TCF7L2: variants seen among roughly 807,000 people sequenced by gnomAD.
TCF7L2 encodes transcription factor 7-like 2.
In TCF7L2, 23 loss-of-function variants were observed where a neutral mutation model predicts 77.9. The ratio of observed to expected loss-of-function variants is 0.30; its 90% CI spans 0.21 to 0.42. TCF7L2 has a LOEUF of 0.42. TCF7L2 is among the 10% of genes least tolerant of loss of function. The pLI, the probability that TCF7L2 is intolerant of heterozygous loss-of-function variation, is 1.00. For missense variants in TCF7L2, 654 were observed against 793.1 expected (o/e 0.82, Z 2.11); for synonymous variants, 413 against 340.2 (o/e 1.21, Z -2.36).
chr10:113,015,446 C>CTTTTTTT (rs67005436), intron 4 of TCF7L2, among the ~76,000 whole-genome samples: 4 of 103,236 alleles, frequency 3.9e-5, no homozygotes, highest in East Asian at 4.5e-4. Flanking sequence ...GCCTGATGAG[C>CTTTTTTT]TTTTTTTTTT....
intron 5 of TCF7L2, among the ~76,000 whole-genome samples, chr10:113,073,150 G>GAGACAGAGAGAGAGAGAGAA (rs1564855702): frequency 2.0e-5 from 3 of 149,012 alleles, no homozygotes; most frequent in African/African-American, 7.5e-5. Context: ...GAGAGAGAGA[G>GAGACAGAGAGAGAGAGAGAA]ACAGAGAGAG....
Position 112,966,184 on chromosome 10 carries a change from T to TTATATATATATATA in TCF7L2, c.450+1574_450+1587dup, listed in dbSNP as rs141060651. Among the ~76,000 whole-genome samples, 236 of 114,190 alleles carry TTATATATATATATA rather than the reference T, an allele frequency of 2.1e-3. 8 individuals are homozygous for TTATATATATATATA. The highest frequency in any genetic ancestry group is 0.01 in the African/African-American group (210 of 20,982). 74.9% of individuals were successfully genotyped at this position (114,190 alleles called of 152,430 possible). On this transcript the variant is annotated intron_variant, in intron 4 of 13. Coordinates refer to ENST00000627217, the MANE Select transcript of TCF7L2 (RefSeq NM_001146274.2). Reference sequence around the variant, plus strand: ...GAGTGAGACTCTGTCTAAAATATATTTATATATATATATATATATATATAT... The same window carrying TTATATATATATATA: ...GAGTGAGACTCTGTCTAAAATATATTTATATATATATATATATATATATATATATATATATATAT...
At position 113,094,161 on chromosome 10, in the gene TCF7L2, A is replaced by G. The variant is rs946468658; in HGVS notation, c.553-47023A>G. Among the ~76,000 whole-genome samples, 98 of 152,230 alleles carry G rather than the reference A, an allele frequency of 6.4e-4. 8 individuals carry two copies. Among genetic ancestry groups the G allele is most frequent in the Non-Finnish European group, 1.5e-5 (1 of 68,044 alleles). On this transcript the variant is annotated intron_variant, in intron 5 of 13. Transcript: ENST00000627217. Reference sequence around the variant, plus strand: ...TACTTGCTTATTAACCTCTCAATCTAGAAATTTCAGGGAAGAAGAGACTTC... The same window carrying G: ...TACTTGCTTATTAACCTCTCAATCTGGAAATTTCAGGGAAGAAGAGACTTC...
chr10:113,025,943 A>G (rs1590661866), intron 4 of TCF7L2, among the ~76,000 whole-genome samples: 2 of 150,252 alleles, frequency 1.3e-5, no homozygotes, highest in East Asian at 2.0e-4. Flanking sequence ...CAGTGGTGCT[A>G]TCTCGGCTCA....
chr10:112,992,773 TTTTTTTTTGAGA>T (rs2042806335), intron 4 of TCF7L2, among the ~76,000 whole-genome samples: 6 of 151,934 alleles, frequency 3.9e-5, no homozygotes, highest in African/African-American at 1.4e-4. Flanking sequence ...TCTTTCTTTT[TTTTTTTTTGAGA>T]CGGAGTCTCA....
At chr10:113,128,095 G>C (rs1316553382) in intron 5 of TCF7L2, among the ~76,000 whole-genome samples, 2 of 151,818 alleles carry the variant, frequency 1.3e-5, no homozygotes, top group Admixed American at 6.6e-5. Context: ...GGGAGAGAAG[G>C]CAATTAGGGG....
At chr10:113,078,836 G>T (rs56016452) in intron 5 of TCF7L2, among the ~76,000 whole-genome samples, 26 of 143,424 alleles carry the variant, frequency 1.8e-4, no homozygotes, top group Non-Finnish European at 2.8e-4. Context: ...TTCTTTTTTT[G>T]TTTTTTTTTT....
chr10:113,111,190 G>A (rs1405957527), intron 5 of TCF7L2, among the ~76,000 whole-genome samples: 1 of 152,140 alleles, frequency 6.6e-6, no homozygotes, highest in African/African-American at 2.4e-5. Context: ...TCTGTTAGAG[G>A]TTAACTGACT....
At chr10:113,121,669 C>G (rs7903543) in intron 5 of TCF7L2, among the ~76,000 whole-genome samples, 1 of 151,858 alleles carries the variant, frequency 6.6e-6, no homozygotes, top group Non-Finnish European at 1.5e-5. Flanking sequence ...ATTGGATTTA[C>G]CCCCCTTCTC....
At chr10:113,008,451 A>G (rs1003392041) in intron 4 of TCF7L2, among the ~76,000 whole-genome samples, 1 of 152,178 alleles carries the variant, frequency 6.6e-6, no homozygotes, top group African/African-American at 2.4e-5. Flanking sequence ...TATCAGCACT[A>G]TGCTGCCAGA....
At chr10:113,028,911 G>T (rs921614285) in intron 4 of TCF7L2, among the ~76,000 whole-genome samples, 1 of 152,166 alleles carries the variant, frequency 6.6e-6, no homozygotes, top group African/African-American at 2.4e-5. Context: ...CCTCTCAAAG[G>T]TCATTTGTTG....
chr10:113,163,027 A>G (rs1198864316), intron 13 of TCF7L2, among the ~76,000 whole-genome samples: 2 of 150,430 alleles, frequency 1.3e-5, no homozygotes, highest in African/African-American at 4.9e-5. Flanking sequence ...AAAAAAAAGG[A>G]AAAAAAGAAA....
intron 5 of TCF7L2, among the ~76,000 whole-genome samples, chr10:113,128,225 C>T (rs953026656): frequency 1.3e-5 from 2 of 152,108 alleles, no homozygotes; most frequent in African/African-American, 4.8e-5. Flanking sequence ...TGCTGCCTGA[C>T]ACTTACACAG....
intron 5 of TCF7L2, among the ~76,000 whole-genome samples, chr10:113,116,213 T>G (rs1467043479): frequency 6.6e-6 from 1 of 152,138 alleles, no homozygotes; most frequent in African/African-American, 2.4e-5. Context: ...CCCTTCCCCT[T>G]TTGTAGGTTA....
At chr10:113,128,040 G>C (rs1265231481) in intron 5 of TCF7L2, among the ~76,000 whole-genome samples, 2 of 152,246 alleles carry the variant, frequency 1.3e-5, no homozygotes, top group South Asian at 2.1e-4. Context: ...AATTGCGTGT[G>C]TGACAAAAGC....
chr10:113,089,309 C>A, intron 5 of TCF7L2: 1 of 1,424,990 alleles, frequency 7.0e-7, no homozygotes, highest in Non-Finnish European at 9.4e-7. Flanking sequence ...TGGGTTAGGG[C>A]AGAAAGGAAG....
chr10:113,108,050 C>T (rs558874388), intron 5 of TCF7L2, among the ~76,000 whole-genome samples: 2 of 147,876 alleles, frequency 1.4e-5, no homozygotes, highest in African/African-American at 2.5e-5. Flanking sequence ...CCTTCTTGGT[C>T]TTCCTTTGAG....
chr10:113,072,545 G>A lies in TCF7L2; in HGVS notation c.552+32419G>A, dbSNP rs148409556. ...AATTTTTGTATTTTTAGTAGAGACC[G>A]GGCTTCACCATGTTGGCCAGGCTGG... On this transcript the variant is annotated intron_variant, in intron 5 of 13. Transcript: ENST00000627217. 1.7e-3 allele frequency among the ~76,000 whole-genome samples: 258 copies of A among 152,166 alleles called. 1 individual carries two copies. The highest frequency in any genetic ancestry group is 6.1e-3 in the African/African-American group (252 of 41,506).
At chr10:112,984,474 T>C (rs1236941700) in intron 4 of TCF7L2, among the ~76,000 whole-genome samples, 2 of 152,198 alleles carry the variant, frequency 1.3e-5, no homozygotes, top group Non-Finnish European at 2.9e-5. Flanking sequence ...AATTGGTTAG[T>C]TCCTCTAAGT....
Sources: gnomAD v4.1 joint callset for allele counts (sites outside exome capture counted in the v4.1 genomes callset) on GRCh38, gnomAD v4.1.1 for gene constraint, MANE v1.5 for transcripts, NCBI Gene and HGNC (gene_info 2026-07-23, HGNC 2026-07-21) for gene names.